APBA1: variants seen among roughly 807,000 people sequenced by gnomAD.
APBA1 encodes the protein amyloid-beta A4 precursor protein-binding family A member 1.
A neutral mutation model predicts 86.6 loss-of-function variants in APBA1; 55 were observed. The ratio of observed to expected loss-of-function variants is 0.64; its 90% CI spans 0.51 to 0.80. The LOEUF (loss-of-function observed/expected upper bound fraction) is 0.80, where lower values mean the gene tolerates loss of function less well. Ranked by LOEUF, APBA1 falls within the 30% of genes least tolerant of loss-of-function variation. The pLI is 0.00. For synonymous variants in APBA1, 511 were observed against 493.9 expected, an observed-to-expected ratio of 1.03 and a Z score of -0.46; for missense variants, 1,090 against 1,183.0, an observed-to-expected ratio of 0.92 and a Z score of 1.15.
At chr9:69,597,934 G>T (rs1283574673) in intron 1 of APBA1, among the ~76,000 whole-genome samples, 1 of 151,994 alleles carries the variant, frequency 6.6e-6, no homozygotes, top group Non-Finnish European at 1.5e-5. Flanking sequence ...CCATTACTGG[G>T]TATATACCCA....
chr9:69,581,076 C>T (rs1045328072), intron 1 of APBA1, among the ~76,000 whole-genome samples: 1 of 152,108 alleles, frequency 6.6e-6, no homozygotes, highest in African/African-American at 2.4e-5. Flanking sequence ...CATGGATACA[C>T]CCCACAAACG....
At chr9:69,569,221 C>T (rs1837077226) in intron 1 of APBA1, among the ~76,000 whole-genome samples, 1 of 152,194 alleles carries the variant, frequency 6.6e-6, no homozygotes, top group South Asian at 2.1e-4. Flanking sequence ...CACACCAACA[C>T]ACACACCCCA....
intron 1 of APBA1, among the ~76,000 whole-genome samples, chr9:69,583,935 T>C (rs958939839): frequency 2.0e-5 from 3 of 152,238 alleles, no homozygotes; most frequent in Non-Finnish European, 2.9e-5. Flanking sequence ...GCGTAATCCA[T>C]GTAAAGTGCT....
At chr9:69,614,962 G>A (rs1386086428) in intron 1 of APBA1, among the ~76,000 whole-genome samples, 1 of 152,198 alleles carries the variant, frequency 6.6e-6, no homozygotes, top group Non-Finnish European at 1.5e-5. Context: ...ACGTTGGAGG[G>A]CTGAGGCTGG....
At chr9:69,579,970 T>A (rs1360632693) in intron 1 of APBA1, among the ~76,000 whole-genome samples, 1 of 152,152 alleles carries the variant, frequency 6.6e-6, no homozygotes, top group African/African-American at 2.4e-5. Context: ...TGTAGCCCCA[T>A]ATGGATATTT....
intron 1 of APBA1, among the ~76,000 whole-genome samples, chr9:69,576,572 T>C (rs1286511546): frequency 6.6e-6 from 1 of 152,292 alleles, no homozygotes; most frequent in African/African-American, 2.4e-5. Context: ...TGGATGAAGC[T>C]GGAAACCATC....
chr9:69,593,579 T>C (rs1209389856), intron 1 of APBA1, among the ~76,000 whole-genome samples: 1 of 152,152 alleles, frequency 6.6e-6, no homozygotes, highest in Non-Finnish European at 1.5e-5. Flanking sequence ...GCTCAGGAAA[T>C]TACAGGAGGC....
At position 69,441,219 on chromosome 9, in the gene APBA1, G is replaced by A. The variant is rs987846671; in HGVS notation, c.2182-104C>T. ...CAAAAGAAGCTGCACTGAGTCTTCC[G>A]AAGGACCCACTGCCTGCTTGCCTGC... On this transcript the variant is annotated intron_variant, in intron 10 of 12. Transcript: ENST00000265381. 2.3e-4 allele frequency: 318 copies of A among 1,401,768 alleles called. No individual in the cohort carries two copies. In the African/African-American group the frequency reaches 3.9e-3, roughly 17 times the overall value. 86.8% of individuals were successfully genotyped at this position (1,401,768 alleles called of 1,614,324 possible). A position where few individuals can be genotyped will look rare whatever the true frequency, so the allele number is the denominator to read the frequency against.
intron 2 of APBA1, among the ~76,000 whole-genome samples, chr9:69,482,925 C>G (rs1223261860): frequency 3.0e-5 from 4 of 132,122 alleles, no homozygotes; most frequent in Non-Finnish European, 6.1e-5. Flanking sequence ...ACAATGAGAT[C>G]GCATGGACAC....
chr9:69,558,084 A>G (rs1000103543), intron 1 of APBA1, among the ~76,000 whole-genome samples: 7 of 152,198 alleles, frequency 4.6e-5, no homozygotes, highest in African/African-American at 1.4e-4. Context: ...TTGAGAGTTC[A>G]AGCTCAAGAC....
chr9:69,515,494 A>C (rs1429474852), intron 2 of APBA1, among the ~76,000 whole-genome samples: 1 of 152,082 alleles, frequency 6.6e-6, no homozygotes, highest in Non-Finnish European at 1.5e-5. Flanking sequence ...CTAACTCTAG[A>C]GACCCTTAAA....
chr9:69,516,088 T>C lies in APBA1; in HGVS notation c.1123A>G (p.Lys375Glu), dbSNP rs759925202. ...IRSPYTPDEP[K>E]EPIWVMRQDI... is the part of the protein sequence containing the mutation. Reference sequence around the variant, plus strand: ...TGGCGCATGACCCAGATGGGCTCTTTGGGCTCGTCGGGGGTGTAAGGCGAA... The same window carrying C: ...TGGCGCATGACCCAGATGGGCTCTTCGGGCTCGTCGGGGGTGTAAGGCGAA... The change falls in exon 2 of 13, where the codon AAA becomes GAA. Residue 375 changes from lysine to glutamate, a missense_variant. By Grantham distance (56) the Lys-to-Glu change is moderately conservative. This residue lies in a region of APBA1 where 678 missense variants were observed against 647.1 expected (regional missense o/e 1.05). Transcript: ENST00000265381. This position sits in a 1 kb window ranked among gnomAD's most constrained non-coding sequence, Gnocchi z 7.3. The C allele has an allele frequency of 6.1e-5, 98 of 1,613,034 alleles. 1 individual carries two copies. Among genetic ancestry groups the C allele is most frequent in the Non-Finnish European group, 8.1e-5 (96 of 1,179,420 alleles).
intron 8 of APBA1, among the ~76,000 whole-genome samples, chr9:69,453,814 C>A (rs961329360): frequency 4.6e-5 from 7 of 152,254 alleles, no homozygotes; most frequent in African/African-American, 7.2e-5. Context: ...AAACGGCCTG[C>A]CAGCAGGCAA....
intron 1 of APBA1, among the ~76,000 whole-genome samples, chr9:69,633,588 T>C (rs1009894474): frequency 1.3e-5 from 2 of 152,174 alleles, no homozygotes; most frequent in Non-Finnish European, 2.9e-5. Flanking sequence ...CTCTGACAAC[T>C]TGAAGGATGA....
intron 1 of APBA1, among the ~76,000 whole-genome samples, chr9:69,631,102 CTGG>C (rs1366554917): frequency 6.6e-6 from 1 of 152,192 alleles, no homozygotes; most frequent in Non-Finnish European, 1.5e-5. Flanking sequence ...TGGCCAATGC[CTGG>C]TACTTGGTAG....
At chr9:69,540,086 T>C (rs547053124) in intron 1 of APBA1, among the ~76,000 whole-genome samples, 99 of 151,480 alleles carry the variant, frequency 6.5e-4, no homozygotes, top group African/African-American at 2.3e-3. Flanking sequence ...CGCCATTGCA[T>C]TCCAACCTGG....
intron 1 of APBA1, among the ~76,000 whole-genome samples, chr9:69,567,058 C>T (rs1250833511): frequency 6.6e-6 from 1 of 152,110 alleles, no homozygotes; most frequent in Non-Finnish European, 1.5e-5. Flanking sequence ...CACTTCAGTA[C>T]TGTTTGAATT....
chr9:69,431,941 GATAA>G (rs1255587392), intron 12 of APBA1, among the ~76,000 whole-genome samples: 2 of 144,766 alleles, frequency 1.4e-5, no homozygotes, highest in Non-Finnish European at 2.9e-5. Context: ...TGACAGCAGT[GATAA>G]ATGAATGACA....
chr9:69,529,505 G>C (rs969838605), intron 1 of APBA1, among the ~76,000 whole-genome samples: 4 of 152,044 alleles, frequency 2.6e-5, no homozygotes, highest in African/African-American at 9.7e-5. Context: ...ATGACAAGTC[G>C]ATAATCTGGA....
Sources: allele counts gnomAD v4.1 joint callset (sites outside exome capture counted in the v4.1 genomes callset), GRCh38; gene constraint gnomAD v4.1.1; regional missense constraint gnomAD v4.1.1; non-coding constraint Gnocchi (gnomAD v3.1); transcripts MANE v1.5; gene names NCBI Gene and HGNC (gene_info 2026-07-23, HGNC 2026-07-21).